CXXC4: variants seen among roughly 807,000 people sequenced by gnomAD.
CXXC4 encodes CXXC finger protein 4.
Under a neutral mutation model 20.5 loss-of-function variants are expected in CXXC4, and 5 were observed. The ratio of observed to expected loss-of-function variants is 0.24; its 90% CI spans 0.13 to 0.51. CXXC4 has a LOEUF of 0.51. Among genes scored for constraint, CXXC4 ranks in the 20% least tolerant of loss-of-function variants. The pLI, the probability that CXXC4 is intolerant of heterozygous loss-of-function variation, is 0.97. For synonymous variants in CXXC4, 250 were observed against 216.4 expected (o/e 1.16, Z -1.36); for missense variants, 419 against 496.4 (o/e 0.84, Z 1.48).
At chr4:104,472,478 A>G in intron 2 of CXXC4, 112 bp from the exon 3 acceptor site, 1 of 612,482 alleles carries the variant, frequency 1.6e-6, no homozygotes. Context: ...GTACAACATA[A>G]TGACTTGTAT....
At chr4:104,490,311 C>T in intron 2 of CXXC4, among the ~76,000 whole-genome samples, 1 of 152,066 alleles carries the variant, frequency 6.6e-6, no homozygotes, top group East Asian at 1.9e-4. Flanking sequence ...GCTTGTGTAC[C>T]ACAAACTGTG....
chr4:104,472,341 G>T lies in CXXC4; in HGVS notation c.1085C>A (p.Ala362Glu), dbSNP rs755731838. 1 of 1,605,334 alleles carries T rather than the reference G, an allele frequency of 6.2e-7. No homozygotes were observed. The highest frequency in any genetic ancestry group is 1.1e-5 in the South Asian group (1 of 89,514). ...LERTPVPSAEAFRWFF is the reference protein window; with the variant it reads ...LERTPVPSAEEFRWFF ...ACTGCTTTAAAAGAACCATCGGAAT[G>T]CTTCAGCGCTGGGAACAGGTGTTCT... The change falls in exon 3 of 3, where the codon GCA becomes GAA. Residue 362 changes from alanine (A) to glutamate (E), a missense_variant. Around this residue, in one of 3 missense-constraint regions of CXXC4, gnomAD observed 16 missense variants for 17.4 expected, o/e 0.92. Transcript: ENST00000394767.
At position 104,470,635 on chromosome 4, in the gene CXXC4, T is replaced by C. The variant is rs1391743875; in HGVS notation, c.*1687A>G. On this transcript the variant is annotated 3_prime_UTR_variant, in exon 3 of 3. Coordinates refer to ENST00000394767, the MANE Select transcript of CXXC4 (RefSeq NM_025212.4). ...TCATTGTACCATACCATTTCTCTTC[T>C]CAAATTATCTTTCTTCTCGTGATTT... 6.6e-6 allele frequency: 1 copy of C among 152,088 alleles called. No homozygotes were observed. Among genetic ancestry groups the C allele is most frequent in the East Asian group, 1.9e-4 (1 of 5,196 alleles). 9.4% of individuals were successfully genotyped at this position (152,088 alleles called of 1,614,324 possible). A position where few individuals can be genotyped will look rare whatever the true frequency, so the allele number is the denominator to read the frequency against.
intron 2 of CXXC4, among the ~76,000 whole-genome samples, chr4:104,481,242 T>C (rs1341944341): frequency 1.3e-5 from 2 of 151,976 alleles, no homozygotes; most frequent in Admixed American, 1.3e-4. Flanking sequence ...AAAATATAAA[T>C]AGGGAGGCCG....
intron 2 of CXXC4, 76 bp from the exon 3 acceptor site, chr4:104,472,442 C>T (rs773103551): frequency 2.9e-6 from 3 of 1,026,656 alleles, no homozygotes; most frequent in Non-Finnish European, 4.4e-6. Context: ...CTCCTTTACA[C>T]TTCAGCAATA....
chr4:104,483,490 A>G (rs992001506), intron 2 of CXXC4, among the ~76,000 whole-genome samples: 1 of 151,974 alleles, frequency 6.6e-6, no homozygotes, highest in Non-Finnish European at 1.5e-5. Context: ...ATTTTAAAAA[A>G]TATTCTGTTT....
intron 2 of CXXC4, among the ~76,000 whole-genome samples, chr4:104,477,846 G>A (rs1455324864): frequency 6.6e-6 from 1 of 151,946 alleles, no homozygotes; most frequent in African/African-American, 2.4e-5. Context: ...ATGTATAGCA[G>A]ATTAATTTTT....
intron 2 of CXXC4, among the ~76,000 whole-genome samples, chr4:104,479,290 CCTGA>C (rs1026346371): frequency 6.6e-5 from 10 of 152,082 alleles, no homozygotes; most frequent in South Asian, 2.1e-4. Context: ...TGATGTTTAA[CCTGA>C]CTATCAAAAC....
chr4:104,474,477 G>C (rs1000486470), intron 2 of CXXC4, among the ~76,000 whole-genome samples: 1 of 151,836 alleles, frequency 6.6e-6, no homozygotes, highest in African/African-American at 2.4e-5. Flanking sequence ...AGCAATAAAT[G>C]AAAACTTAAA....
rs758753961 is a variant in CXXC4 at position 104,469,592 on chromosome 4, A to G, written c.*2730T>C. ...TTCAAATCACTGCCTTAGGTTTATA[A>G]TGATAAGCTTTAGAAGTTCTCAGTA... On this transcript the variant is annotated 3_prime_UTR_variant, in exon 3 of 3. Coordinates refer to ENST00000394767, the MANE Select transcript of CXXC4 (RefSeq NM_025212.4). 3 of 152,056 alleles carry G rather than the reference A, an allele frequency of 2.0e-5. No homozygotes were observed. Among genetic ancestry groups the G allele is most frequent in the Non-Finnish European group, 4.4e-5 (3 of 67,980 alleles). The allele number at this position is 152,056 out of a possible 1,614,324, so 9.4% of individuals were successfully genotyped here. A position where few individuals can be genotyped will look rare whatever the true frequency, so the allele number is the denominator to read the frequency against.
intron 1 of CXXC4, among the ~76,000 whole-genome samples, chr4:104,493,961 T>G (rs956758470): frequency 1.3e-5 from 2 of 152,116 alleles, no homozygotes; most frequent in Non-Finnish European, 1.5e-5. Flanking sequence ...AAATAAATAA[T>G]TTAACGTCCC....
At chr4:104,481,067 G>A (rs965234395) in intron 2 of CXXC4, among the ~76,000 whole-genome samples, 2 of 152,152 alleles carry the variant, frequency 1.3e-5, no homozygotes, top group Non-Finnish European at 2.9e-5. Context: ...GCAAGGCAGA[G>A]ATCATATTAG....
intron 2 of CXXC4, among the ~76,000 whole-genome samples, chr4:104,483,304 C>T (rs528473676): frequency 1.3e-5 from 2 of 151,964 alleles, no homozygotes; most frequent in African/African-American, 2.4e-5. Flanking sequence ...AGCATACATC[C>T]ATAATTCCAT....
chr4:104,490,674 A>G (rs1736821917), intron 2 of CXXC4, 70 bp downstream of exon 2: 1 of 1,338,160 alleles, frequency 7.5e-7, no homozygotes, highest in Admixed American at 2.1e-5. Flanking sequence ...CCAGACAAGA[A>G]TCCCTGAAGG....
Position 104,491,811 on chromosome 4 carries a change from G to C in CXXC4, c.-9C>G. 5 of 1,423,406 alleles carry C rather than the reference G, an allele frequency of 3.5e-6. No individual in the cohort carries two copies. The highest frequency in any genetic ancestry group is 4.6e-6 in the Non-Finnish European group (5 of 1,079,872). The allele number at this position is 1,423,406 out of a possible 1,614,324, so 88.2% of individuals were successfully genotyped here. ...CAGACATTGGTGTTCATGGTGCAGG[G>C]GGGGAAGAAGGGGTGCAGGGTGGAA... On this transcript the variant is annotated 5_prime_UTR_variant, in exon 2 of 3. Transcript: ENST00000394767.
chr4:104,491,307 TGCCGCCGCCGCCGCCGCCGCC>T lies in CXXC4; in HGVS notation c.475_495del (p.Gly159_Gly165del), dbSNP rs532524986. 7.2e-5 allele frequency: 113 copies of T among 1,572,806 alleles called. No homozygotes were observed. The highest frequency in any genetic ancestry group is 3.6e-4 in the Admixed American group (20 of 55,100). On this transcript the variant is annotated inframe_deletion, in exon 2 of 3. Transcript: ENST00000394767. ...TTTCGGTGGTGCATGCTGGTCCTGC[TGCCGCCGCCGCCGCCGCCGCC>T]GCCACCGCCGGCGGGGAGGATCGCC...
In CXXC4 at chr4:104,473,468, T is replaced by C. The variant is rs371563458; in HGVS notation, c.1060-1102A>G. ...GTAAATGGTAGTTAAGCTTGAATTT[T>C]CTATGTACATTAACATCTAATAATT... On this transcript the variant is annotated intron_variant, in intron 2 of 2. Coordinates refer to ENST00000394767, the MANE Select transcript of CXXC4 (RefSeq NM_025212.4). 2.6e-4 allele frequency among the ~76,000 whole-genome samples: 39 copies of C among 152,034 alleles called. No homozygotes were observed. The East Asian group carries it at 6.2e-3, about 24-fold the overall frequency.
intron 2 of CXXC4, among the ~76,000 whole-genome samples, chr4:104,481,894 A>G (rs1254034898): frequency 6.6e-6 from 1 of 152,148 alleles, no homozygotes; most frequent in African/African-American, 2.4e-5. Context: ...AAAACATTTC[A>G]ATTTTACTCT....
intron 2 of CXXC4, among the ~76,000 whole-genome samples, chr4:104,478,160 G>A (rs1457221420): frequency 1.3e-5 from 2 of 152,058 alleles, no homozygotes; most frequent in African/African-American, 4.8e-5. Flanking sequence ...ATTGATAATT[G>A]ATTCTCCCTT....
Sources: allele counts gnomAD v4.1 joint callset (sites outside exome capture counted in the v4.1 genomes callset), GRCh38; gene constraint gnomAD v4.1.1; regional missense constraint gnomAD v4.1.1; transcripts MANE v1.5; gene names NCBI Gene and HGNC (gene_info 2026-07-23, HGNC 2026-07-21).